The following PTBP3 variants were observed in gnomAD, a reference collection of about 807,000 sequenced individuals.
PTBP3 encodes the protein polypyrimidine tract binding protein 3, also known as polypyrimidine tract-binding protein 3.
Under a neutral mutation model 58.7 loss-of-function variants are expected in PTBP3, and 20 were observed. The ratio of observed to expected loss-of-function variants is 0.34; its 90% CI spans 0.24 to 0.50. The LOEUF is 0.50. PTBP3 is among the 20% of genes least tolerant of loss of function. The pLI is 0.98. For missense variants in PTBP3, 509 were observed against 637.2 expected (o/e 0.80, Z 2.17); for synonymous variants, 185 against 219.8 (o/e 0.84, Z 1.40).
At chr9:112,354,001 A>G in the PTBP3 span, among the ~76,000 whole-genome samples, 1 of 152,116 alleles carries the variant, frequency 6.6e-6, no homozygotes, top group African/African-American at 2.4e-5. Context: ...TGTAATTGCT[A>G]TTATAATGGA....
intron 4 of PTBP3, 151 bp downstream of exon 4, chr9:112,267,898 G>C (rs1827167108): frequency 1.6e-6 from 1 of 638,172 alleles, no homozygotes; most frequent in East Asian, 3.4e-5. Flanking sequence ...TTATTCTTAA[G>C]AATTGGGGGG....
chr9:112,369,889 G>A, the PTBP3 span, among the ~76,000 whole-genome samples: 3 of 152,222 alleles, frequency 2.0e-5, no homozygotes, highest in South Asian at 4.2e-4. Flanking sequence ...AATCATAGGG[G>A]CCAGTTTTCC....
In PTBP3 at chr9:112,220,225, A is replaced by G. The variant is rs1164234028; in HGVS notation, c.*3626T>C. The G allele has an allele frequency of 7.4e-7, 1 of 1,347,814 alleles. No individual in the cohort carries two copies. Among genetic ancestry groups the G allele is most frequent in the Non-Finnish European group, 9.8e-7 (1 of 1,020,052 alleles). The allele number at this position is 1,347,814 out of a possible 1,614,324, so 83.5% of individuals were successfully genotyped here. ...GGAACAGAAGAGAAACTGCATGACA[A>G]TATGCTAAACATGTAAGCACTGCTG... On this transcript the variant is annotated 3_prime_UTR_variant, in exon 14 of 14. Transcript: ENST00000374257.
chr9:112,306,606 TTTTGTTTGTTTG>T (rs145654803), intron 1 of PTBP3, among the ~76,000 whole-genome samples: 1 of 144,600 alleles, frequency 6.9e-6, no homozygotes, highest in Non-Finnish European at 1.5e-5. Flanking sequence ...ATATATATAT[TTTTGTTTGTTTG>T]TTTGTTTGTT....
upstream of PTBP3, among the ~76,000 whole-genome samples, chr9:112,335,266 T>C (rs546833401): frequency 7.0e-6 from 1 of 143,556 alleles, no homozygotes; most frequent in Non-Finnish European, 1.6e-5. Context: ...TTACTTTTTT[T>C]TGTTGTTTGT....
Position 112,219,349 on chromosome 9 carries a change from A to G in PTBP3, c.*4502T>C, listed in dbSNP as rs1834728522. ...TGGCATCAAAAAAATAGCTATTTAA[A>G]TATTTGTTATTACAACTACTACATA... On this transcript the variant is annotated 3_prime_UTR_variant, in exon 14 of 14. Transcript: ENST00000374257. 1 of 152,472 alleles carries G rather than the reference A, an allele frequency of 6.6e-6. No individual in the cohort carries two copies. The highest frequency in any genetic ancestry group is 2.1e-4 in the South Asian group (1 of 4,828). 9.4% of individuals were successfully genotyped at this position (152,472 alleles called of 1,614,324 possible).
At chr9:112,334,056 A>G (rs565093708), upstream of PTBP3, among the ~76,000 whole-genome samples, 1 of 151,816 alleles carries the variant, frequency 6.6e-6, no homozygotes, top group African/African-American at 2.4e-5. Context: ...AGTAGGAAGG[A>G]ATGTCCCACA....
intron 1 of PTBP3, among the ~76,000 whole-genome samples, chr9:112,329,272 G>C (rs1432276222): frequency 3.9e-5 from 6 of 152,028 alleles, no homozygotes; most frequent in South Asian, 2.1e-4. Flanking sequence ...AATTAGCCAG[G>C]CATGGTGGCA....
intron 2 of PTBP3, among the ~76,000 whole-genome samples, chr9:112,290,738 A>ACT (rs1564438731): frequency 1.3e-5 from 2 of 148,494 alleles, no homozygotes; most frequent in African/African-American, 5.0e-5. Context: ...ACACACACAC[A>ACT]ATCAAGTGTT....
chr9:112,305,538 TA>T (rs990613757), intron 1 of PTBP3, among the ~76,000 whole-genome samples: 1 of 152,172 alleles, frequency 6.6e-6, no homozygotes, highest in Non-Finnish European at 1.5e-5. Context: ...GCTGGGGAAG[TA>T]ATGTGTCCAC....
intron 4 of PTBP3, among the ~76,000 whole-genome samples, chr9:112,267,827 T>A (rs962678638): frequency 3.3e-5 from 5 of 152,222 alleles, no homozygotes; most frequent in African/African-American, 1.2e-4. Flanking sequence ...TTCTCCTTTT[T>A]TACTGTGAAA....
chr9:112,228,494 A>C, intron 10 of PTBP3, 22 bp from the exon 11 acceptor site: 5 of 1,431,916 alleles, frequency 3.5e-6, no homozygotes, highest in African/African-American at 1.4e-5. Flanking sequence ...AAAACAAAAC[A>C]CTGTGTTTAA....
intron 6 of PTBP3, chr9:112,252,447 C>A (rs531444317): frequency 2.0e-6 from 1 of 489,898 alleles, no homozygotes; most frequent in East Asian, 3.9e-5. Flanking sequence ...ACAGGACCTG[C>A]GTCTCAGAGA....
chr9:112,256,292 T>C (rs1295325482), intron 5 of PTBP3, among the ~76,000 whole-genome samples: 14 of 30,706 alleles, frequency 4.6e-4, no homozygotes, highest in Non-Finnish European at 5.0e-4. Flanking sequence ...TATATATATA[T>C]ACATATATAT....
chr9:112,293,777 G>C (rs1347312222), intron 2 of PTBP3, among the ~76,000 whole-genome samples: 1 of 152,112 alleles, frequency 6.6e-6, no homozygotes, highest in African/African-American at 2.4e-5. Flanking sequence ...CCTTCCTGTG[G>C]GTATGATGGA....
chr9:112,279,721 T>C (rs1430234760), intron 2 of PTBP3, among the ~76,000 whole-genome samples: 1 of 152,094 alleles, frequency 6.6e-6, no homozygotes, highest in Non-Finnish European at 1.5e-5. Context: ...ATGAGGTACC[T>C]ATTTGGGGAG....
rs182643883 is a variant in PTBP3 at position 112,274,163 on chromosome 9, G to A, written c.204+1681C>T. On this transcript the variant is annotated intron_variant, in intron 3 of 13. Coordinates refer to ENST00000374257, the MANE Select transcript of PTBP3 (RefSeq NM_001163788.4). ...AAATACAACAAGGGCCAAATATTAA[G>A]GCATGTTACTTAACTTCTCCAGATC... is the stretch of plus-strand genomic sequence containing the variant. 1.7e-4 allele frequency among the ~76,000 whole-genome samples: 26 copies of A among 152,210 alleles called. No homozygotes were observed. In the East Asian group the frequency reaches 4.8e-3, roughly 28 times the overall value.
chr9:112,329,970 C>T (rs1303141244), intron 1 of PTBP3, among the ~76,000 whole-genome samples: 1 of 151,822 alleles, frequency 6.6e-6, no homozygotes, highest in East Asian at 1.9e-4. Context: ...CTCAGCCTCC[C>T]AAGTAGCTGG....
In PTBP3 at chr9:112,275,833, A is replaced by G; in HGVS notation, c.204+11T>C. The G allele has an allele frequency of 6.3e-7, 1 of 1,592,942 alleles. No individual in the cohort carries two copies. Among genetic ancestry groups the G allele is most frequent in the Non-Finnish European group, 8.6e-7 (1 of 1,162,760 alleles). On this transcript the variant is annotated intron_variant, in intron 3 of 13. Transcript: ENST00000374257. ...ATAATCACTCTTTGTCAATCTTTAA[A>G]TATTACATACCTGGCTTTTTCCTTT...
Sources: allele counts gnomAD v4.1 joint callset (sites outside exome capture counted in the v4.1 genomes callset), GRCh38; gene constraint gnomAD v4.1.1; transcripts MANE v1.5; gene names NCBI Gene and HGNC (gene_info 2026-07-23, HGNC 2026-07-21).